The following FGF7 variants were observed in gnomAD, a reference collection of about 807,000 sequenced individuals.
The protein encoded by FGF7 is FGF-7.
Under a neutral mutation model 20.5 loss-of-function variants are expected in FGF7, and 6 were observed. The ratio of observed to expected loss-of-function variants is 0.29; its 90% CI spans 0.16 to 0.58. The LOEUF is 0.58. FGF7 is among the 20% of genes least tolerant of loss of function. The pLI is 0.90. For missense variants in FGF7, 144 were observed against 228.8 expected, an observed-to-expected ratio of 0.63 and a Z score of 2.39; for synonymous variants, 64 against 74.7, an observed-to-expected ratio of 0.86 and a Z score of 0.74.
intron 2 of FGF7, among the ~76,000 whole-genome samples, chr15:49,426,732 A>T (rs575464614): frequency 4.9e-4 from 74 of 152,086 alleles, no homozygotes; most frequent in African/African-American, 1.7e-3. Flanking sequence ...AGAAAAAAAA[A>T]GGAAGTCGCC....
At chr15:49,464,762 T>G (rs1316060415) in intron 2 of FGF7, among the ~76,000 whole-genome samples, 1 of 152,128 alleles carries the variant, frequency 6.6e-6, no homozygotes, top group East Asian at 1.9e-4. Context: ...ACAGAACACA[T>G]AGTATCTCCG....
intron 2 of FGF7, among the ~76,000 whole-genome samples, chr15:49,439,785 A>G (rs1344804819): frequency 6.6e-6 from 1 of 151,720 alleles, no homozygotes; most frequent in African/African-American, 2.4e-5. Flanking sequence ...TAGCATTGAG[A>G]AAGAAACTGG....
chr15:49,427,697 C>T (rs918190261), intron 2 of FGF7, among the ~76,000 whole-genome samples: 1 of 151,956 alleles, frequency 6.6e-6, no homozygotes, highest in African/African-American at 2.4e-5. Context: ...ACTCACTTCA[C>T]CAGCAGAAGC....
intron 2 of FGF7, among the ~76,000 whole-genome samples, chr15:49,451,751 A>C (rs1019144569): frequency 5.3e-5 from 8 of 152,132 alleles, no homozygotes; most frequent in African/African-American, 1.4e-4. Context: ...AATACTCCTA[A>C]ATTTTATTTA....
chr15:49,476,106 T>C (rs1417055598), intron 2 of FGF7, among the ~76,000 whole-genome samples: 1 of 152,106 alleles, frequency 6.6e-6, no homozygotes, highest in Non-Finnish European at 1.5e-5. Flanking sequence ...TCTACCTATG[T>C]CAACTCTATT....
chr15:49,468,869 C>G lies in FGF7; in HGVS notation c.287-14282C>G, dbSNP rs139301529. Among the ~76,000 whole-genome samples, 102 of 152,246 alleles carry G rather than the reference C, an allele frequency of 6.7e-4. 1 individual carries two copies. The highest frequency in any genetic ancestry group is 1.2e-3 in the Non-Finnish European group (80 of 68,012). ...CAGTCACTCTGCTTAACTGATGGAA[C>G]AAGTTTATTTCAACTTCAGTGCTCA... On this transcript the variant is annotated intron_variant, in intron 2 of 3. Coordinates refer to ENST00000267843, the MANE Select transcript of FGF7 (RefSeq NM_002009.4).
chr15:49,441,275 T>C (rs1015991716), intron 2 of FGF7, among the ~76,000 whole-genome samples: 25 of 151,800 alleles, frequency 1.6e-4, no homozygotes, highest in South Asian at 1.0e-3. Context: ...ACTCAATTCA[T>C]ACTTATTTAG....
chr15:49,452,704 T>C (rs2052877243), intron 2 of FGF7, among the ~76,000 whole-genome samples: 2 of 152,296 alleles, frequency 1.3e-5, no homozygotes, highest in South Asian at 2.1e-4. Context: ...AGTCAGTCTC[T>C]CTGAATCTTG....
chr15:49,454,036 G>T (rs941367797), intron 2 of FGF7, among the ~76,000 whole-genome samples: 1 of 152,090 alleles, frequency 6.6e-6, no homozygotes, highest in East Asian at 1.9e-4. Context: ...AGTTTATATG[G>T]CTGGGGAGGC....
chr15:49,440,491 C>A (rs1282115085), intron 2 of FGF7, among the ~76,000 whole-genome samples: 2 of 151,690 alleles, frequency 1.3e-5, no homozygotes, highest in Non-Finnish European at 3.0e-5. Context: ...GAAATTGAAA[C>A]TACTTAATGT....
intron 2 of FGF7, among the ~76,000 whole-genome samples, chr15:49,446,183 A>T (rs1006911153): frequency 2.0e-5 from 3 of 151,630 alleles, no homozygotes; most frequent in Non-Finnish European, 3.0e-5. Flanking sequence ...CTCACTGATA[A>T]ATATGGGAAC....
Position 49,483,194 on chromosome 15 carries a change from C to G in FGF7, c.330C>G (p.Ile110Met). 1.9e-6 allele frequency: 3 copies of G among 1,592,020 alleles called. No individual in the cohort carries two copies. The highest frequency in any genetic ancestry group is 2.6e-6 in the Non-Finnish European group (3 of 1,175,960). The change falls in exon 3 of 4, where the codon ATC becomes ATG. Residue 110 changes from isoleucine (I) to methionine (M), a missense_variant. Physicochemically the swap from Ile to Met is conservative, Grantham distance 10 (BLOSUM62 1). This residue lies in a region of FGF7 where 56 missense variants were observed against 125.4 expected (regional missense o/e 0.45). Transcript: ENST00000267843. ...IRTVAVGIVA[I>M]KGVESEFYLA... ...CAGTGGCAGTTGGAATTGTGGCAAT[C>G]AAAGGGGTGGAAAGTGAATTCTATC...
At chr15:49,461,680 A>AAAAGAAT (rs2053813058) in intron 2 of FGF7, among the ~76,000 whole-genome samples, 1 of 152,250 alleles carries the variant, frequency 6.6e-6, no homozygotes, top group African/African-American at 2.4e-5. Context: ...CAAAGCATCA[A>AAAAGAAT]AAAGAATAAG....
chr15:49,464,863 C>A (rs2054123868), intron 2 of FGF7, among the ~76,000 whole-genome samples: 1 of 152,068 alleles, frequency 6.6e-6, no homozygotes, highest in Non-Finnish European at 1.5e-5. Context: ...ATGGAAGCAT[C>A]CTGCAATTAG....
rs1266020136 is a variant in FGF7, at chr15:49,488,188, C to G, written c.*3684C>G. On this transcript the variant is annotated 3_prime_UTR_variant, in exon 4 of 4. Coordinates refer to ENST00000267843, the MANE Select transcript of FGF7 (RefSeq NM_002009.4). Reference sequence around the variant, plus strand: ...TGGGAAAATATCTATTAACTGGTCTCTCTGGTTTGAATTCTCAATATGTAT... The same window carrying G: ...TGGGAAAATATCTATTAACTGGTCTGTCTGGTTTGAATTCTCAATATGTAT... 1 of 151,930 alleles carries G rather than the reference C, an allele frequency of 6.6e-6. No homozygotes were observed. Among genetic ancestry groups the G allele is most frequent in the Non-Finnish European group, 1.5e-5 (1 of 67,906 alleles). The allele number at this position is 151,930 out of a possible 1,614,324, so 9.4% of individuals were successfully genotyped here. A position where few individuals can be genotyped will look rare whatever the true frequency, so the allele number is the denominator to read the frequency against.
intron 2 of FGF7, among the ~76,000 whole-genome samples, chr15:49,438,362 C>T (rs1446882974): frequency 6.6e-6 from 1 of 151,602 alleles, no homozygotes; most frequent in Admixed American, 6.6e-5. Flanking sequence ...CCAGAACTAC[C>T]CACAAAGCAA....
chr15:49,469,196 T>C (rs1439710639), intron 2 of FGF7, among the ~76,000 whole-genome samples: 1 of 152,172 alleles, frequency 6.6e-6, no homozygotes, highest in African/African-American at 2.4e-5. Context: ...AAGACATTTG[T>C]CTATAACAGT....
chr15:49,461,535 ATGTCT>A (rs1230327990), intron 2 of FGF7, among the ~76,000 whole-genome samples: 1 of 152,186 alleles, frequency 6.6e-6, no homozygotes, highest in East Asian at 1.9e-4. Context: ...TTACTGCTAG[ATGTCT>A]TGTCTATCTC....
chr15:49,430,358 C>T (rs549766954), intron 2 of FGF7, among the ~76,000 whole-genome samples: 10 of 151,882 alleles, frequency 6.6e-5, no homozygotes, highest in South Asian at 6.2e-4. Context: ...AATGAGCCAC[C>T]TTATGACTAT....
Sources: gnomAD v4.1 joint callset for allele counts (sites outside exome capture counted in the v4.1 genomes callset) on GRCh38, gnomAD v4.1.1 for gene constraint, gnomAD v4.1.1 regional missense constraint, MANE v1.5 for transcripts, NCBI Gene and HGNC (gene_info 2026-07-23, HGNC 2026-07-21) for gene names.